Variants in SETBP1 observed in about 807,000 individuals in gnomAD.
The protein encoded by SETBP1 is SET binding protein 1.
A neutral mutation model predicts 101.0 loss-of-function variants in SETBP1; 9 were observed. The ratio of observed to expected loss-of-function variants is 0.09; its 90% CI spans 0.05 to 0.16. The LOEUF (loss-of-function observed/expected upper bound fraction) is 0.16. SETBP1 is among the 10% of genes least tolerant of loss of function. The probability of loss-of-function intolerance (pLI) is 1.00; values close to 1 mark genes in which losing one functional copy is unlikely to be tolerated. For missense variants in SETBP1, 1,858 were observed against 2,033.8 expected, an observed-to-expected ratio of 0.91 and a Z score of 1.66; for synonymous variants, 818 against 788.5, an observed-to-expected ratio of 1.04 and a Z score of -0.63.
intron 2 of SETBP1, among the ~76,000 whole-genome samples, chr18:44,858,773 T>A (rs1204068614): frequency 1.3e-5 from 2 of 152,196 alleles, no homozygotes; most frequent in African/African-American, 4.8e-5. Context: ...GATTTGAAGA[T>A]GAAACAATAG....
At chr18:44,834,641 TAATC>T (rs1254451027) in intron 2 of SETBP1, among the ~76,000 whole-genome samples, 4 of 152,332 alleles carry the variant, frequency 2.6e-5, no homozygotes, top group African/African-American at 7.2e-5. Context: ...ATGTAATGAT[TAATC>T]AATCAAATAA....
intron 2 of SETBP1, among the ~76,000 whole-genome samples, chr18:44,736,885 C>T (rs1352930064): frequency 6.6e-6 from 1 of 152,186 alleles, no homozygotes; most frequent in Non-Finnish European, 1.5e-5. Flanking sequence ...ACTCTTATCT[C>T]CATTGTGCCC....
chr18:44,902,248 C>G (rs1416491999), intron 3 of SETBP1, among the ~76,000 whole-genome samples: 1 of 152,124 alleles, frequency 6.6e-6, no homozygotes, highest in Non-Finnish European at 1.5e-5. Context: ...CTCTCTCTCT[C>G]TCTCTGTCTC....
At position 45,063,738 on chromosome 18, in the gene SETBP1, A is replaced by G; in HGVS notation, c.*40A>G. Reference sequence around the variant, plus strand: ...TCTGCACCTGGGGCCTAGGGAACTGACACGTGGGAAGCGCAGTGAGCCGGG... The same window carrying G: ...TCTGCACCTGGGGCCTAGGGAACTGGCACGTGGGAAGCGCAGTGAGCCGGG... On this transcript the variant is annotated 3_prime_UTR_variant, in exon 6 of 6. Transcript: ENST00000649279. The G allele has an allele frequency of 1.3e-6, 2 of 1,581,826 alleles. No homozygotes were observed. The highest frequency in any genetic ancestry group is 1.7e-6 in the Non-Finnish European group (2 of 1,164,188).
chr18:45,037,728 T>C (rs2073425389), intron 4 of SETBP1, among the ~76,000 whole-genome samples: 1 of 152,144 alleles, frequency 6.6e-6, no homozygotes, highest in Non-Finnish European at 1.5e-5. Context: ...CTCAGGCTTT[T>C]CAGCATCATC....
At chr18:44,822,367 A>T (rs1287324587) in intron 2 of SETBP1, among the ~76,000 whole-genome samples, 1 of 152,146 alleles carries the variant, frequency 6.6e-6, no homozygotes, top group Non-Finnish European at 1.5e-5. Context: ...TTTTCATACC[A>T]TCTAGTGGTG....
chr18:44,748,014 G>T (rs1347161611), intron 2 of SETBP1, among the ~76,000 whole-genome samples: 3 of 152,198 alleles, frequency 2.0e-5, no homozygotes, highest in Non-Finnish European at 4.4e-5. Context: ...GCCTTGGGAG[G>T]CTGAGTGGGG....
rs371909789 is a variant in SETBP1 at position 44,991,113 on chromosome 18, G to A, written c.4000+37773G>A. On this transcript the variant is annotated intron_variant, in intron 4 of 5. Coordinates refer to ENST00000649279, the MANE Select transcript of SETBP1 (RefSeq NM_015559.3). ...AAAAATTAGCTGAGAGTGGTAGCAC[G>A]TGCCTTGTAGTCCCAGCTACTCAGG... 4.7e-3 allele frequency among the ~76,000 whole-genome samples: 717 copies of A among 151,098 alleles called. 1 individual carries two copies. The highest frequency in any genetic ancestry group is 6.8e-3 in the Non-Finnish European group (462 of 67,676).
intron 4 of SETBP1, among the ~76,000 whole-genome samples, chr18:44,961,828 G>T (rs2071618491): frequency 6.6e-6 from 1 of 152,182 alleles, no homozygotes; most frequent in African/African-American, 2.4e-5. Context: ...TTGGGTGTTT[G>T]CTGTGCATCT....
At chr18:45,041,831 C>T (rs933719788) in intron 5 of SETBP1, among the ~76,000 whole-genome samples, 3 of 151,928 alleles carry the variant, frequency 2.0e-5, no homozygotes, top group African/African-American at 7.3e-5. Flanking sequence ...GTGGCATGCT[C>T]CTGTAATCCC....
intron 2 of SETBP1, among the ~76,000 whole-genome samples, chr18:44,713,107 T>C (rs1221356695): frequency 6.6e-6 from 1 of 152,038 alleles, no homozygotes; most frequent in African/African-American, 2.4e-5. Flanking sequence ...TACAGGCGCC[T>C]GCCACTGCAC....
chr18:44,757,512 C>A lies in SETBP1; in HGVS notation c.486+55680C>A, dbSNP rs192205997. The stretch of plus-strand genomic sequence containing the variant: ...ATGCCTGAATTTGAGTGCTCTGTAT[C>A]CCCGGCCAGCCTCCACTACAGTTAA... On this transcript the variant is annotated intron_variant, in intron 2 of 5. Transcript: ENST00000649279. 3.3e-5 allele frequency among the ~76,000 whole-genome samples: 5 copies of A among 152,286 alleles called. No individual in the cohort carries two copies. The East Asian group carries it at 9.6e-4, about 29-fold the overall frequency.
intron 4 of SETBP1, among the ~76,000 whole-genome samples, chr18:45,029,021 TC>T (rs570212659): frequency 3.4e-4 from 52 of 152,336 alleles, no homozygotes; most frequent in African/African-American, 1.0e-3. Context: ...TTTAATTAGA[TC>T]CTATTTGTCA....
intron 2 of SETBP1, among the ~76,000 whole-genome samples, chr18:44,856,862 C>A (rs1190136325): frequency 6.6e-6 from 1 of 152,126 alleles, no homozygotes; most frequent in South Asian, 2.1e-4. Flanking sequence ...AGTTGGTATT[C>A]TTTTCCACTT....
chr18:44,707,901 A>C (rs941380330), intron 2 of SETBP1, among the ~76,000 whole-genome samples: 3 of 152,246 alleles, frequency 2.0e-5, no homozygotes, highest in African/African-American at 4.8e-5. Context: ...AATGGGAGAC[A>C]TGAAAGGGGA....
intron 3 of SETBP1, among the ~76,000 whole-genome samples, chr18:44,927,667 T>G (rs1193232979): frequency 6.6e-6 from 1 of 152,160 alleles, no homozygotes; most frequent in Non-Finnish European, 1.5e-5. Flanking sequence ...GAGCCAGGTC[T>G]GGGCTGGCCT....
chr18:44,897,934 TC>T (rs1297300135), intron 3 of SETBP1, among the ~76,000 whole-genome samples: 2 of 152,112 alleles, frequency 1.3e-5, no homozygotes, highest in African/African-American at 4.8e-5. Context: ...TATTGAGACT[TC>T]CAGTATATGA....
chr18:44,868,765 A>C (rs2069198978), intron 2 of SETBP1, among the ~76,000 whole-genome samples: 1 of 143,760 alleles, frequency 7.0e-6, no homozygotes, highest in African/African-American at 2.6e-5. Context: ...GAAGGAAGGA[A>C]GGAAGGAAAA....
chr18:44,988,839 A>G (rs1409243946), intron 4 of SETBP1: 1 of 152,226 alleles, frequency 6.6e-6, no homozygotes, highest in Non-Finnish European at 1.5e-5. Context: ...ATCTCAAGAC[A>G]GTTCTCATAT....
Sources: gnomAD v4.1 joint callset for allele counts (sites outside exome capture counted in the v4.1 genomes callset) on GRCh38, gnomAD v4.1.1 for gene constraint, MANE v1.5 for transcripts, NCBI Gene and HGNC (gene_info 2026-07-23, HGNC 2026-07-21) for gene names.